The following VCAN variants were observed in gnomAD, a reference collection of about 807,000 sequenced individuals.
The protein encoded by VCAN is versican core protein.
In VCAN, 44 loss-of-function variants were observed where a neutral mutation model predicts 245.5. The observed-to-expected ratio is 0.18, with a 90% CI of 0.14 to 0.23. The LOEUF is 0.23. Ranked by LOEUF, VCAN falls within the 10% of genes least tolerant of loss-of-function variation. The pLI is 1.00. For missense variants in VCAN, 3,793 were observed against 4,057.9 expected, an observed-to-expected ratio of 0.93 and a Z score of 1.77; for synonymous variants, 1,413 against 1,437.0, an observed-to-expected ratio of 0.98 and a Z score of 0.38.
chr5:83,554,157 A>T (rs906527773), intron 11 of VCAN, among the ~76,000 whole-genome samples: 1 of 152,218 alleles, frequency 6.6e-6, no homozygotes, highest in African/African-American at 2.4e-5. Flanking sequence ...CAATATGTAG[A>T]AATTTGTTGC....
rs781233482 is a variant in VCAN, at chr5:83,521,388, G to C, written c.3082G>C (p.Glu1028Gln). Residue 1028 changes from glutamate to glutamine, a missense_variant, in exon 7 of 15, where the codon GAG becomes CAG. This residue lies in a region of VCAN where 3,182 missense variants were observed against 3,250.3 expected (regional missense o/e 0.98). Coordinates refer to ENST00000265077, the MANE Select transcript of VCAN (RefSeq NM_004385.5). ...PETMRTTKIT[E>Q]GTTQEEFPWK... ...AACTATGAGAACAACAAAAATCACA[G>C]AGGGAACAACTCAGGAAGAATTCCC... is the stretch of plus-strand genomic sequence containing the variant. The C allele has an allele frequency of 1.2e-6, 2 of 1,614,140 alleles. No individual in the cohort carries two copies. Among genetic ancestry groups the C allele is most frequent in the South Asian group, 2.2e-5 (2 of 91,088 alleles).
intron 2 of VCAN, 76 bp downstream of exon 2, chr5:83,483,664 A>G: frequency 7.7e-7 from 1 of 1,297,868 alleles, no homozygotes; most frequent in Non-Finnish European, 1.1e-6. Context: ...GGCAATGTGG[A>G]ATCACTGGAA....
At chr5:83,527,887 T>G (rs1199891478) in intron 7 of VCAN, among the ~76,000 whole-genome samples, 1 of 152,190 alleles carries the variant, frequency 6.6e-6, no homozygotes, top group Non-Finnish European at 1.5e-5. Flanking sequence ...GCAATTACAA[T>G]TTGCCATTAT....
intron 12 of VCAN, among the ~76,000 whole-genome samples, chr5:83,565,958 G>GCTTTTTTTTTT (rs563624305): frequency 6.6e-6 from 1 of 151,390 alleles, no homozygotes; most frequent in Non-Finnish European, 1.5e-5. Context: ...CTGAAAAACT[G>GCTTTTTTTTTT]CTTTTTTTTT....
At chr5:83,549,304 T>C (rs1409117463) in intron 10 of VCAN, among the ~76,000 whole-genome samples, 19 of 152,346 alleles carry the variant, frequency 1.2e-4, no homozygotes, top group Admixed American at 7.2e-4. Flanking sequence ...TCCTGGTGAC[T>C]TAGCATAACT....
At chr5:83,547,826 C>T in intron 9 of VCAN, 145 bp from the exon 10 acceptor site, 1 of 717,254 alleles carries the variant, frequency 1.4e-6, no homozygotes, top group Non-Finnish European at 2.5e-6. Context: ...CACGGACATA[C>T]TTATGCTAAC....
chr5:83,483,611 T>C (rs1444425860), intron 2 of VCAN, 23 bp downstream of exon 2: 2 of 1,604,374 alleles, frequency 1.2e-6, no homozygotes, highest in East Asian at 4.5e-5. Flanking sequence ...ACAATTTCTT[T>C]GGTGTTAATT....
At chr5:83,579,247 T>C (rs1189537980) in intron 13 of VCAN, among the ~76,000 whole-genome samples, 1 of 110,704 alleles carries the variant, frequency 9.0e-6, no homozygotes, top group South Asian at 2.8e-4. Flanking sequence ...GTTTGTTTGT[T>C]TGTTTGTTTG....
intron 9 of VCAN, 126 bp from the exon 10 acceptor site, chr5:83,547,845 C>CT (rs1163385515): frequency 1.3e-6 from 1 of 758,902 alleles, no homozygotes; most frequent in Non-Finnish European, 2.3e-6. Flanking sequence ...ACAAATTATA[C>CT]TTTTTTTAAA....
Position 83,540,610 on chromosome 5 carries a change from G to GA in VCAN, c.7614dup (p.Pro2539ThrfsTer3), listed in dbSNP as rs1241050025. On this transcript the variant is annotated frameshift_variant, in exon 8 of 15. Transcript: ENST00000265077. LOFTEE classifies it high-confidence loss of function. The stretch of plus-strand genomic sequence containing the variant: ...GAGGATTCCACCTTAAAACCTAACA[G>GA]AAAAAAACCCACTGAAAATATTATC... 1.2e-6 allele frequency: 2 copies of GA among 1,613,544 alleles called. No homozygotes were observed. The highest frequency in any genetic ancestry group is 1.7e-6 in the Non-Finnish European group (2 of 1,179,922).
intron 12 of VCAN, among the ~76,000 whole-genome samples, chr5:83,556,188 C>A (rs986181396): frequency 6.6e-6 from 1 of 152,076 alleles, no homozygotes; most frequent in Non-Finnish European, 1.5e-5. Context: ...TTAAGAGAGG[C>A]AATGGGTTTT....
rs1222869178 is a variant in VCAN, at chr5:83,572,870, TTTA to T, written c.9880+313_9880+315del. Among the ~76,000 whole-genome samples, 8 of 124,734 alleles carry T rather than the reference TTTA, an allele frequency of 6.4e-5. No individual in the cohort carries two copies. In the East Asian group the frequency reaches 1.8e-3, roughly 28 times the overall value. 81.8% of individuals were successfully genotyped at this position (124,734 alleles called of 152,430 possible). Reference sequence around the variant, plus strand: ...CAATAGACCTTTTTATTTTTATTTATTTATTTATTTATTTATTTATTTATTTAT... The same window carrying T: ...CAATAGACCTTTTTATTTTTATTTATTTTATTTATTTATTTATTTATTTAT... On this transcript the variant is annotated intron_variant, in intron 13 of 14. Coordinates refer to ENST00000265077, the MANE Select transcript of VCAN (RefSeq NM_004385.5).
At chr5:83,546,134 G>A (rs759199518) in intron 9 of VCAN, among the ~76,000 whole-genome samples, 13 of 151,822 alleles carry the variant, frequency 8.6e-5, no homozygotes, top group Non-Finnish European at 1.0e-4. Flanking sequence ...AACGTGCCTC[G>A]GCCTCAGGGA....
intron 13 of VCAN, among the ~76,000 whole-genome samples, chr5:83,576,259 C>A (rs1342054232): frequency 6.6e-6 from 1 of 151,976 alleles, no homozygotes; most frequent in Non-Finnish European, 1.5e-5. Context: ...ACACTTGTTT[C>A]ACTAAACAAT....
At chr5:83,473,818 C>G (rs1048460801) in intron 1 of VCAN, among the ~76,000 whole-genome samples, 1 of 152,154 alleles carries the variant, frequency 6.6e-6, no homozygotes, top group Non-Finnish European at 1.5e-5. Flanking sequence ...GATGGAAGGC[C>G]CTAGTTTTCC....
Position 83,572,456 on chromosome 5 carries a change from T to C in VCAN, c.9776T>C (p.Phe3259Ser). 6.2e-7 allele frequency: 1 copy of C among 1,613,998 alleles called. No homozygotes were observed. The highest frequency in any genetic ancestry group is 8.5e-7 in the Non-Finnish European group (1 of 1,179,894). Residue 3259 changes from phenylalanine to serine, a missense_variant, in exon 13 of 15, where the codon TTT (phenylalanine) becomes TCT (serine). Around this residue, in one of 5 missense-constraint regions of VCAN, gnomAD observed 205 missense variants for 321.1 expected, o/e 0.64. Coordinates refer to ENST00000265077, the MANE Select transcript of VCAN (RefSeq NM_004385.5). ...AGACCCAACCAGCCAGACAGCTTCT[T>C]TTCTGCTGGAGAAGACTGTGTTGTA... ...NWRPNQPDSF[F>S]SAGEDCVVII... is the part of the protein sequence containing the mutation.
chr5:83,545,475 A>G (rs1747168824), intron 8 of VCAN, 62 bp from the exon 9 acceptor site: 3 of 1,419,720 alleles, frequency 2.1e-6, no homozygotes, highest in Admixed American at 3.3e-5. Flanking sequence ...GTTTTATGCT[A>G]AAATACACGC....
At chr5:83,550,681 G>T (rs1747426159) in intron 10 of VCAN, among the ~76,000 whole-genome samples, 1 of 152,042 alleles carries the variant, frequency 6.6e-6, no homozygotes, top group South Asian at 2.1e-4. Flanking sequence ...GAGGTCAGAA[G>T]TTCGAGACCA....
chr5:83,516,490 T>C (rs768166823), intron 6 of VCAN, among the ~76,000 whole-genome samples: 2 of 152,214 alleles, frequency 1.3e-5, no homozygotes, highest in Admixed American at 1.3e-4. Flanking sequence ...TAAGTTTTAT[T>C]AGGAAAATCT....
Sources: allele counts gnomAD v4.1 joint callset (sites outside exome capture counted in the v4.1 genomes callset), GRCh38; gene constraint gnomAD v4.1.1; regional missense constraint gnomAD v4.1.1; transcripts MANE v1.5; gene names NCBI Gene and HGNC (gene_info 2026-07-23, HGNC 2026-07-21).